The following CLVS1 variants were observed in gnomAD, a reference collection of about 807,000 sequenced individuals.
CLVS1 encodes clavesin 1.
A neutral mutation model predicts 33.1 loss-of-function variants in CLVS1; 10 were observed. That is an observed-to-expected ratio of 0.30 (90% CI 0.19 to 0.51). CLVS1 has a LOEUF of 0.51. CLVS1 is among the 20% of genes least tolerant of loss of function. The probability of loss-of-function intolerance (pLI) is 0.97; values close to 1 mark genes in which losing one functional copy is unlikely to be tolerated. For synonymous variants in CLVS1, 163 were observed against 166.1 expected (o/e 0.98, Z 0.14); for missense variants, 343 against 433.4 (o/e 0.79, Z 1.85).
At chr8:61,194,418 A>T (rs1158060809) in intron 2 of CLVS1, among the ~76,000 whole-genome samples, 2 of 152,070 alleles carry the variant, frequency 1.3e-5, no homozygotes, top group Non-Finnish European at 2.9e-5. Flanking sequence ...TTTTCTTTTG[A>T]GTAATGGCTG....
the CLVS1 span, among the ~76,000 whole-genome samples, chr8:61,019,126 A>G: frequency 3.3e-5 from 5 of 152,382 alleles, no homozygotes; most frequent in Non-Finnish European, 7.3e-5. Flanking sequence ...CCTATGCCTT[A>G]GATTGACTGA....
At chr8:61,122,337 T>G (rs1805887500) in intron 1 of CLVS1, among the ~76,000 whole-genome samples, 1 of 152,116 alleles carries the variant, frequency 6.6e-6, no homozygotes, top group Non-Finnish European at 1.5e-5. Flanking sequence ...CTGAGCAGGA[T>G]AGTAAATAAT....
chr8:61,232,022 GGTTTTT>G (rs1808443949), intron 2 of CLVS1, among the ~76,000 whole-genome samples: 14 of 117,070 alleles, frequency 1.2e-4, no homozygotes, highest in African/African-American at 4.5e-4. Context: ...GGAAAGTTGT[GGTTTTT>G]TTTTTTTTTT....
At chr8:61,317,738 A>G (rs1811061294) in intron 2 of CLVS1, among the ~76,000 whole-genome samples, 1 of 152,150 alleles carries the variant, frequency 6.6e-6, no homozygotes, top group South Asian at 2.1e-4. Flanking sequence ...TTAGCAGTAT[A>G]TTTTGCTTAA....
At chr8:61,135,323 G>A (rs1388109021) in intron 2 of CLVS1, among the ~76,000 whole-genome samples, 1 of 152,048 alleles carries the variant, frequency 6.6e-6, no homozygotes, top group Non-Finnish European at 1.5e-5. Flanking sequence ...AACAAGAGTG[G>A]AGCACTTGAT....
the CLVS1 span, among the ~76,000 whole-genome samples, chr8:61,031,409 G>A: frequency 6.6e-6 from 1 of 152,144 alleles, no homozygotes; most frequent in African/African-American, 2.4e-5. Flanking sequence ...GAGCTAACCT[G>A]CCTCCGTTCC....
At chr8:61,196,683 T>G (rs1004258565) in intron 2 of CLVS1, among the ~76,000 whole-genome samples, 1 of 152,134 alleles carries the variant, frequency 6.6e-6, no homozygotes, top group Non-Finnish European at 1.5e-5. Flanking sequence ...TCAGGGACAA[T>G]GGAGGAACAA....
chr8:61,147,920 C>A (rs917852401), intron 2 of CLVS1, among the ~76,000 whole-genome samples: 12 of 152,278 alleles, frequency 7.9e-5, no homozygotes, highest in African/African-American at 2.4e-4. Context: ...GATCCAGGGG[C>A]CTTATAGTAA....
At chr8:61,019,974 G>A in the CLVS1 span, among the ~76,000 whole-genome samples, 1 of 152,164 alleles carries the variant, frequency 6.6e-6, no homozygotes, top group South Asian at 2.1e-4. Context: ...GGCCACGTTA[G>A]CTGTATTATA....
rs571160462 is a variant in CLVS1 at position 61,489,164 on chromosome 8, G to A, written c.978-10291G>A. On this transcript the variant is annotated intron_variant, in intron 5 of 5. Transcript: ENST00000325897. ...ATCTATTTTTTATTTCATTTGCTGC[G>A]CCTAAAACAAACATTTTATAAATTA... 7.9e-5 allele frequency among the ~76,000 whole-genome samples: 12 copies of A among 152,038 alleles called. 1 individual carries two copies. In the South Asian group the frequency reaches 1.0e-3, roughly 13 times the overall value.
chr8:61,089,882 T>C (rs1325860831), intron 1 of CLVS1, among the ~76,000 whole-genome samples: 4 of 152,212 alleles, frequency 2.6e-5, no homozygotes, highest in Non-Finnish European at 5.9e-5. Flanking sequence ...ATTTTGCCAC[T>C]GCACTCAAGC....
chr8:61,183,836 T>C (rs1807289462), intron 2 of CLVS1, among the ~76,000 whole-genome samples: 1 of 152,192 alleles, frequency 6.6e-6, no homozygotes, highest in South Asian at 2.1e-4. Flanking sequence ...TCTTGATGCA[T>C]ATGACAAGCT....
intron 3 of CLVS1, among the ~76,000 whole-genome samples, chr8:61,384,670 A>G (rs1426752858): frequency 6.6e-6 from 1 of 152,154 alleles, no homozygotes; most frequent in Non-Finnish European, 1.5e-5. Flanking sequence ...GATACTGTGG[A>G]TATCTTCATC....
intron 3 of CLVS1, chr8:61,377,060 G>A: frequency 3.3e-6 from 1 of 303,618 alleles, no homozygotes; most frequent in South Asian, 8.5e-5. Flanking sequence ...ATCCATCAGA[G>A]AGTTCACAAA....
At chr8:61,347,629 TATATATATATA>T (rs1812268996) in intron 2 of CLVS1, among the ~76,000 whole-genome samples, 13 of 544 alleles carry the variant, frequency 0.024, no homozygotes, top group African/African-American at 0.057. Context: ...CATTCCATTA[TATATATATATA>T]TATATATATA....
At chr8:61,084,458 C>T (rs1392373735) in intron 1 of CLVS1, among the ~76,000 whole-genome samples, 1 of 152,148 alleles carries the variant, frequency 6.6e-6, no homozygotes, top group Non-Finnish European at 1.5e-5. Context: ...ACAATTGGAG[C>T]AATGGAGGAG....
chr8:61,296,628 A>G (rs971979682), intron 1 of CLVS1, among the ~76,000 whole-genome samples: 1 of 152,202 alleles, frequency 6.6e-6, no homozygotes, highest in Non-Finnish European at 1.5e-5. Flanking sequence ...GTAGATGAGG[A>G]AGGACATTAA....
At chr8:61,147,164 G>A (rs973356103) in intron 2 of CLVS1, among the ~76,000 whole-genome samples, 1 of 152,152 alleles carries the variant, frequency 6.6e-6, no homozygotes, top group African/African-American at 2.4e-5. Flanking sequence ...CCTTGTTGAT[G>A]CTTCAGCCTG....
chr8:61,289,433 G>C (rs1809898667), intron 1 of CLVS1, among the ~76,000 whole-genome samples: 1 of 152,152 alleles, frequency 6.6e-6, no homozygotes, highest in Non-Finnish European at 1.5e-5. Flanking sequence ...GAGCTAACAA[G>C]CACCAGAAAA....
Sources: allele counts gnomAD v4.1 joint callset (sites outside exome capture counted in the v4.1 genomes callset), GRCh38; gene constraint gnomAD v4.1.1; transcripts MANE v1.5; gene names NCBI Gene and HGNC (gene_info 2026-07-23, HGNC 2026-07-21).